MAML3: variants seen among roughly 807,000 people sequenced by gnomAD.
The protein encoded by MAML3 is mastermind-like protein 3.
MAML3 carries 27 observed loss-of-function variants against 101.9 expected under a neutral mutation model. The ratio of observed to expected loss-of-function variants is 0.27; its 90% confidence interval spans 0.20 to 0.37. The LOEUF is 0.37. Ranked by LOEUF, MAML3 falls within the 10% of genes least tolerant of loss-of-function variation. The probability of loss-of-function intolerance (pLI) is 1.00; values close to 1 mark genes in which losing one functional copy is unlikely to be tolerated. For synonymous variants in MAML3, 501 were observed against 555.9 expected (o/e 0.90, Z 1.39); for missense variants, 1,316 against 1,444.9 (o/e 0.91, Z 1.45).
intron 1 of MAML3, among the ~76,000 whole-genome samples, chr4:139,960,340 T>C (rs963212052): frequency 1.4e-4 from 21 of 152,180 alleles, no homozygotes; most frequent in Non-Finnish European, 2.8e-4. Flanking sequence ...GGCTTCAGCA[T>C]TGCATTTGCC....
intron 1 of MAML3, among the ~76,000 whole-genome samples, chr4:139,938,678 T>A (rs1733549038): frequency 6.6e-6 from 1 of 152,174 alleles, no homozygotes; most frequent in Non-Finnish European, 1.5e-5. Context: ...GGTTACATAA[T>A]GGATCAAGAT....
chr4:139,870,415 T>A (rs1482355431), intron 2 of MAML3, among the ~76,000 whole-genome samples: 2 of 152,210 alleles, frequency 1.3e-5, no homozygotes, highest in African/African-American at 2.4e-5. Context: ...CTGCTTTAGA[T>A]CAATCCAAGT....
chr4:139,850,796 A>G (rs1731534324), intron 2 of MAML3, among the ~76,000 whole-genome samples: 1 of 152,082 alleles, frequency 6.6e-6, no homozygotes, highest in Non-Finnish European at 1.5e-5. Context: ...TACACACCTC[A>G]GCCTCCCAAT....
rs1730285868 is a variant in MAML3, at chr4:139,785,272, A to G, written c.2080-54605T>C. On this transcript the variant is annotated intron_variant, in intron 2 of 4. Coordinates refer to ENST00000509479, the MANE Select transcript of MAML3 (RefSeq NM_018717.5). The surrounding 1 kb of genome is among the most constrained non-coding windows in gnomAD (Gnocchi z 4.3). Reference sequence around the variant, plus strand: ...GGATCCTGATACCAAGACCGAGGACATGGATGGGGTTTTGCTGTTTACATG... The same window carrying G: ...GGATCCTGATACCAAGACCGAGGACGTGGATGGGGTTTTGCTGTTTACATG... Among the ~76,000 whole-genome samples, 1 of 152,190 alleles carries G rather than the reference A, an allele frequency of 6.6e-6. No individual in the cohort carries two copies. Among genetic ancestry groups the G allele is most frequent in the Non-Finnish European group, 1.5e-5 (1 of 68,020 alleles).
chr4:139,952,395 T>C (rs1733846260), intron 1 of MAML3, among the ~76,000 whole-genome samples: 1 of 152,088 alleles, frequency 6.6e-6, no homozygotes. Flanking sequence ...GGGTTACACA[T>C]GAGCAGGGAC....
intron 2 of MAML3, among the ~76,000 whole-genome samples, chr4:139,849,002 C>T (rs1022121140): frequency 6.6e-6 from 1 of 152,124 alleles, no homozygotes; most frequent in African/African-American, 2.4e-5. Context: ...TGTTTCTTTC[C>T]CTTCTTGCTC....
rs72931684 is a variant in MAML3, at chr4:139,904,523, C to T, written c.469-13556G>A. Reference sequence around the variant, plus strand: ...CGTTTGCAGTAGGCATAGGCGACCACGCTGTGGGAGCACAAAGCACCACAT... The same window carrying T: ...CGTTTGCAGTAGGCATAGGCGACCATGCTGTGGGAGCACAAAGCACCACAT... On this transcript the variant is annotated intron_variant, in intron 1 of 4. Coordinates refer to ENST00000509479, the MANE Select transcript of MAML3 (RefSeq NM_018717.5). 7.4e-3 allele frequency among the ~76,000 whole-genome samples: 1,130 copies of T among 152,294 alleles called. 8 individuals are homozygous for T. The highest frequency in any genetic ancestry group is 0.025 in the African/African-American group (1,057 of 41,548).
chr4:139,807,766 TAAA>T (rs1730725768), intron 2 of MAML3, among the ~76,000 whole-genome samples: 1 of 152,154 alleles, frequency 6.6e-6, no homozygotes, highest in Admixed American at 6.5e-5. Context: ...GGGAAAGAAA[TAAA>T]GAAGGTTGAC....
intron 1 of MAML3, among the ~76,000 whole-genome samples, chr4:139,936,041 C>T (rs980123183): frequency 2.0e-5 from 3 of 152,120 alleles, no homozygotes; most frequent in African/African-American, 7.2e-5. Context: ...CTCATTTTCC[C>T]CGCCTCCCAG....
At chr4:140,126,065 C>T (rs1388423739) in intron 1 of MAML3, among the ~76,000 whole-genome samples, 6 of 151,804 alleles carry the variant, frequency 4.0e-5, no homozygotes, top group African/African-American at 1.2e-4. Flanking sequence ...CGTAAGCCAC[C>T]GCGCCTGGCC....
chr4:140,082,722 A>G (rs115569270), intron 1 of MAML3, among the ~76,000 whole-genome samples: 1,637 of 151,546 alleles, frequency 0.011, 34 homozygotes, highest in African/African-American at 0.036. Context: ...CTTTCCCCAG[A>G]AGGCAACTCA....
intron 1 of MAML3, among the ~76,000 whole-genome samples, chr4:140,121,246 T>C (rs796925804): frequency 6.6e-6 from 1 of 152,364 alleles, no homozygotes; most frequent in African/African-American, 2.4e-5. Flanking sequence ...CAAATATTAA[T>C]ATTTCACTGG....
intron 2 of MAML3, among the ~76,000 whole-genome samples, chr4:139,860,980 A>T (rs1476904348): frequency 6.6e-6 from 1 of 152,174 alleles, no homozygotes; most frequent in East Asian, 1.9e-4. Context: ...AGGCAGTTTT[A>T]TATACATAGA....
intron 2 of MAML3, among the ~76,000 whole-genome samples, chr4:139,851,344 T>C (rs1197861930): frequency 2.0e-5 from 3 of 152,240 alleles, no homozygotes; most frequent in African/African-American, 7.2e-5. Flanking sequence ...TACTTCCTTC[T>C]TCAGGGCCTT....
chr4:139,888,976 C>T (rs1187596342), intron 2 of MAML3, among the ~76,000 whole-genome samples: 2 of 152,194 alleles, frequency 1.3e-5, no homozygotes, highest in Non-Finnish European at 1.5e-5. Flanking sequence ...TGAATGTCCC[C>T]TGCTTCCCAC....
chr4:139,908,477 TA>T (rs1211067622), intron 1 of MAML3, among the ~76,000 whole-genome samples: 2 of 152,234 alleles, frequency 1.3e-5, no homozygotes, highest in African/African-American at 4.8e-5. Context: ...GGGGAATGTT[TA>T]ACCTACTTAA....
intron 2 of MAML3, among the ~76,000 whole-genome samples, chr4:139,797,117 T>C (rs1730523975): frequency 6.6e-6 from 1 of 152,212 alleles, no homozygotes; most frequent in African/African-American, 2.4e-5. Context: ...CAATTTGTTC[T>C]TACAATTGAA....
Position 139,943,864 on chromosome 4 carries a change from C to CTTTTTTTTTTTTTTTT in MAML3, c.469-52913_469-52898dup, listed in dbSNP as rs10644498. The stretch of plus-strand genomic sequence containing the variant: ...GGTTGGGTTGTGGGCCTAAAGACAA[C>CTTTTTTTTTTTTTTTT]TTTTTTTTTTTTTTTTTTTTTTTTG... On this transcript the variant is annotated intron_variant, in intron 1 of 4. Coordinates refer to ENST00000509479, the MANE Select transcript of MAML3 (RefSeq NM_018717.5). Among the ~76,000 whole-genome samples the CTTTTTTTTTTTTTTTT allele has an allele frequency of 3.6e-3, 237 of 65,848 alleles. 42 individuals are homozygous for CTTTTTTTTTTTTTTTT. Among genetic ancestry groups the CTTTTTTTTTTTTTTTT allele is most frequent in the African/African-American group, 0.01 (174 of 17,072 alleles). 43.2% of individuals were successfully genotyped at this position (65,848 alleles called of 152,430 possible).
At chr4:140,009,501 T>G (rs1052449438) in intron 1 of MAML3, among the ~76,000 whole-genome samples, 1 of 152,192 alleles carries the variant, frequency 6.6e-6, no homozygotes, top group Non-Finnish European at 1.5e-5. Flanking sequence ...ATTTTTTTTG[T>G]CCTCCATTAA....
Sources: allele counts gnomAD v4.1 joint callset (sites outside exome capture counted in the v4.1 genomes callset), GRCh38; gene constraint gnomAD v4.1.1; non-coding constraint Gnocchi (gnomAD v3.1); transcripts MANE v1.5; gene names NCBI Gene and HGNC (gene_info 2026-07-23, HGNC 2026-07-21).